SCLY: variants seen among roughly 807,000 people sequenced by gnomAD.
SCLY encodes the protein putative selenocysteine lyase.
In SCLY, 38 loss-of-function variants were observed where a neutral mutation model predicts 50.1. The ratio of observed to expected loss-of-function variants is 0.76; its 90% confidence interval spans 0.59 to 0.99. The LOEUF (loss-of-function observed/expected upper bound fraction) is 0.99. Among genes scored for constraint, SCLY ranks in the 50% least tolerant of loss-of-function variants. SCLY has a pLI of 0.00. For synonymous variants in SCLY, 243 were observed against 249.4 expected (o/e 0.97, Z 0.24); for missense variants, 600 against 620.0 (o/e 0.97, Z 0.34).
At position 238,098,314 on chromosome 2, in the gene SCLY, G is replaced by C; in HGVS notation, c.1297G>C (p.Asp433His). 1.2e-6 allele frequency: 2 copies of C among 1,607,004 alleles called. No homozygotes were observed. The highest frequency in any genetic ancestry group is 1.7e-6 in the Non-Finnish European group (2 of 1,179,148). Residue 433 changes from aspartate (D) to histidine (H), a missense_variant, in exon 12 of 12, where the codon GAC becomes CAC. By Grantham distance (81) the Asp-to-His change is moderately conservative (BLOSUM62 -1). Coordinates refer to ENST00000254663, the MANE Select transcript of SCLY (RefSeq NM_016510.7). ...TRAEVDLVVQ[D>H]LKQAVAQLED... ...GGCCGAGGTGGACCTCGTCGTGCAG[G>C]ACCTGAAGCAGGCCGTGGCGCAGCT...
At chr2:238,065,806 C>T (rs1327202079) in intron 2 of SCLY, among the ~76,000 whole-genome samples, 1 of 151,972 alleles carries the variant, frequency 6.6e-6, no homozygotes, top group African/African-American at 2.4e-5. Flanking sequence ...TCCCAAGTAG[C>T]TGGGACTAGA....
intron 4 of SCLY, chr2:238,073,760 C>G: frequency 6.4e-6 from 3 of 467,336 alleles, no homozygotes; most frequent in Non-Finnish European, 8.8e-6. Context: ...AGATCAACCC[C>G]TCTTCTTCTT....
intron 7 of SCLY, among the ~76,000 whole-genome samples, chr2:238,086,814 G>T (rs1224655163): frequency 1.3e-5 from 2 of 151,776 alleles, no homozygotes; most frequent in Non-Finnish European, 2.9e-5. Flanking sequence ...GAGGTCAGGA[G>T]TTTGAGACCA....
chr2:238,090,611 G>A (rs1360924577), intron 7 of SCLY, among the ~76,000 whole-genome samples: 1 of 152,138 alleles, frequency 6.6e-6, no homozygotes, highest in Non-Finnish European at 1.5e-5. Context: ...ACTCCAGCCT[G>A]GGCAACAGAA....
At position 238,067,493 on chromosome 2, in the gene SCLY, C is replaced by T. The variant is rs535144407; in HGVS notation, c.203-572C>T. 2.6e-5 allele frequency among the ~76,000 whole-genome samples: 4 copies of T among 152,188 alleles called. No individual in the cohort carries two copies. Among genetic ancestry groups the T allele is most frequent in the Non-Finnish European group, 2.9e-5 (2 of 68,036 alleles). On this transcript the variant is annotated intron_variant, in intron 2 of 11. Coordinates refer to ENST00000254663, the MANE Select transcript of SCLY (RefSeq NM_016510.7). The surrounding 1 kb of genome is among the most constrained non-coding windows in gnomAD (Gnocchi z 4.3). ...TTCTTTGCCCCATCAAGCATGGTTG[C>T]TGTGTTTTCCTTCTAGCCAGTGAAA...
chr2:238,094,268 C>T (rs2065401261), intron 9 of SCLY, 152 bp from the exon 10 acceptor site: 1 of 697,400 alleles, frequency 1.4e-6, no homozygotes, highest in Non-Finnish European at 2.5e-6. Flanking sequence ...ACTTTGCTTT[C>T]CATAGTCCGT....
intron 1 of SCLY, 96 bp downstream of exon 1, chr2:238,061,239 C>G: frequency 2.1e-6 from 2 of 958,044 alleles, no homozygotes; most frequent in Non-Finnish European, 3.3e-6. Context: ...TGTGGCCGCT[C>G]TCGCGTGGGG....
At chr2:238,076,736 AAAG>A (rs1486453194) in intron 4 of SCLY, among the ~76,000 whole-genome samples, 6 of 70,444 alleles carry the variant, frequency 8.5e-5, no homozygotes, top group African/African-American at 2.1e-4. Context: ...AAAAAAAAAA[AAAG>A]AGTGTATTGT....
Position 238,065,660 on chromosome 2 carries a change from T to TTTTTTTTATTATTA in SCLY, c.202+1193_202+1194insTTTTTATTATTATT, listed in dbSNP as rs71402758. Reference sequence around the variant, plus strand: ...GTTATTTAAACTAATAATATTTTATTTTATTATTATTATTATTATTATTAT... The same window carrying TTTTTTTTATTATTA: ...GTTATTTAAACTAATAATATTTTATTTTTTTTTATTATTATTATTATTATTATTATTATTATTAT... On this transcript the variant is annotated intron_variant, in intron 2 of 11. Coordinates refer to ENST00000254663, the MANE Select transcript of SCLY (RefSeq NM_016510.7). Among the ~76,000 whole-genome samples the TTTTTTTTATTATTA allele has an allele frequency of 1.7e-3, 245 of 143,504 alleles. 1 individual carries two copies. Among genetic ancestry groups the TTTTTTTTATTATTA allele is most frequent in the African/African-American group, 6.0e-3 (231 of 38,772 alleles). 94.1% of individuals were successfully genotyped at this position (143,504 alleles called of 152,430 possible).
rs1332566673 is a variant in SCLY, at chr2:238,096,855, G to A, written c.1163G>A (p.Cys388Tyr). The A allele has an allele frequency of 6.2e-7, 1 of 1,611,974 alleles. No homozygotes were observed. Among genetic ancestry groups the A allele is most frequent in the African/African-American group, 1.3e-5 (1 of 74,930 alleles). Residue 388 changes from cysteine to tyrosine, a missense_variant, in exon 11 of 12, where the codon TGC becomes TAC. Cys to Tyr is a radical substitution (Grantham distance 194). Transcript: ENST00000254663. ...CTGATGGCCAGTGTGGGGGCCGCGT[G>A]CCACTCGGACCACGGGGACCAGTAA... Reference protein sequence around the residue: ...RVLMASVGAACHSDHGDQPSP... With the variant: ...RVLMASVGAAYHSDHGDQPSP...
rs2065364645 is a variant in SCLY at position 238,091,740 on chromosome 2, C to G, written c.921+486C>G. The G allele has an allele frequency of 2.4e-5, 4 of 169,288 alleles. No homozygotes were observed. The South Asian group carries it at 5.9e-4, about 25-fold the overall frequency. The allele number at this position is 169,288 out of a possible 1,614,324, so 10.5% of individuals were successfully genotyped here. ...TACACCTCGGCGTCTGCAGGCTGCT[C>G]CCTCACTGTGCGGCCTCTGGTCAAA... On this transcript the variant is annotated intron_variant, in intron 8 of 11. Transcript: ENST00000254663.
At chr2:238,072,102 T>C (rs1576664560) in intron 4 of SCLY, among the ~76,000 whole-genome samples, 1 of 152,326 alleles carries the variant, frequency 6.6e-6, no homozygotes, top group East Asian at 1.9e-4. Flanking sequence ...TTTCTGTCTC[T>C]ACAGATTTCC....
At position 238,069,367 on chromosome 2, in the gene SCLY, G is replaced by A. The variant is rs774249070; in HGVS notation, c.374G>A (p.Gly125Asp). 6.2e-7 allele frequency: 1 copy of A among 1,614,136 alleles called. No individual in the cohort carries two copies. Among genetic ancestry groups the A allele is most frequent in the Non-Finnish European group, 8.5e-7 (1 of 1,179,990 alleles). ...HANQTSKGHT[G>D]GHHSPVKGAK... ...AACCAGACCTCAAAGGGACACACAG[G>A]TGGGCACCACAGCCCAGTGAAGGGG... The change falls in exon 4 of 12, where the codon GGT becomes GAT. Residue 125 changes from glycine (G) to aspartate (D), a missense_variant. Coordinates refer to ENST00000254663, the MANE Select transcript of SCLY (RefSeq NM_016510.7). The surrounding 1 kb of genome is among the most constrained non-coding windows in gnomAD (Gnocchi z 5.0).
chr2:238,083,600 C>T lies in SCLY; in HGVS notation c.884+246C>T, dbSNP rs2065259730. Among the ~76,000 whole-genome samples, 1 of 152,214 alleles carries T rather than the reference C, an allele frequency of 6.6e-6. No homozygotes were observed. Among genetic ancestry groups the T allele is most frequent in the Admixed American group, 6.5e-5 (1 of 15,292 alleles). On this transcript the variant is annotated intron_variant, in intron 7 of 11. Coordinates refer to ENST00000254663, the MANE Select transcript of SCLY (RefSeq NM_016510.7). The surrounding 1 kb of genome is among the most constrained non-coding windows in gnomAD (Gnocchi z 4.3). ...TCTGTTTCTTTTAACTGCTCCAATGCATCCAATTCCCCTTGTAATTTTGGC... is the reference window on the plus strand; with the variant it reads ...TCTGTTTCTTTTAACTGCTCCAATGTATCCAATTCCCCTTGTAATTTTGGC...
chr2:238,064,271 T>G, intron 1 of SCLY, 86 bp from the exon 2 acceptor site: 1 of 769,878 alleles, frequency 1.3e-6, no homozygotes, highest in South Asian at 2.0e-5. Flanking sequence ...TATTTGCTCC[T>G]GCCGATGGGA....
At chr2:238,090,574 A>T (rs1374423394) in intron 7 of SCLY, among the ~76,000 whole-genome samples, 3 of 152,226 alleles carry the variant, frequency 2.0e-5, no homozygotes, top group African/African-American at 7.2e-5. Context: ...CGGCAGGTGG[A>T]GGATGCAGTG....
chr2:238,096,672 C>T, intron 10 of SCLY, 129 bp from the exon 11 acceptor site: 1 of 971,496 alleles, frequency 1.0e-6, no homozygotes, highest in Non-Finnish European at 1.6e-6. Context: ...GCCAGAATGG[C>T]CAGTGCTGGA....
In SCLY at chr2:238,098,193, C is replaced by T. The variant is rs1428436210; in HGVS notation, c.1185-9C>T. 6.2e-7 allele frequency: 1 copy of T among 1,608,386 alleles called. No individual in the cohort carries two copies. Among genetic ancestry groups the T allele is most frequent in the South Asian group, 1.1e-5 (1 of 90,898 alleles). ...AGCAGCAGCTGCAGCTCGGTCTCGC[C>T]CTCCCCAGGCCGTCCCCAGTGCTGC... On this transcript the variant is annotated splice_polypyrimidine_tract_variant and intron_variant, in intron 11 of 11. Coordinates refer to ENST00000254663, the MANE Select transcript of SCLY (RefSeq NM_016510.7).
chr2:238,079,947 C>T (rs2065218023), intron 4 of SCLY: 1 of 152,242 alleles, frequency 6.6e-6, no homozygotes, highest in South Asian at 2.1e-4. Flanking sequence ...TCCCACATTT[C>T]TCTGAGGCTC....
Sources: gnomAD v4.1 joint callset for allele counts (sites outside exome capture counted in the v4.1 genomes callset) on GRCh38, gnomAD v4.1.1 for gene constraint, Gnocchi (gnomAD v3.1) non-coding constraint, MANE v1.5 for transcripts, NCBI Gene and HGNC (gene_info 2026-07-23, HGNC 2026-07-21) for gene names.